Variants in DRC11 observed in about 807,000 individuals in gnomAD.
DRC11 encodes the protein IQ and AAA domain-containing protein 1.
the DRC11 span, among the ~76,000 whole-genome samples, chr2:236,459,332 T>C: frequency 6.6e-6 from 1 of 151,782 alleles, no homozygotes; most frequent in African/African-American, 2.4e-5. Context: ...AAGATCATAA[T>C]CAATTAATTA....
At chr2:236,329,998 C>T in the DRC11 span, among the ~76,000 whole-genome samples, 1 of 152,164 alleles carries the variant, frequency 6.6e-6, no homozygotes, top group Admixed American at 6.5e-5. Context: ...TAGGCTTCCA[C>T]ACCTTATCAT....
At chr2:236,322,657 G>A in the DRC11 span, among the ~76,000 whole-genome samples, 2 of 152,184 alleles carry the variant, frequency 1.3e-5, no homozygotes, top group African/African-American at 4.8e-5. Flanking sequence ...TGGCAATCAC[G>A]TCTCCATGTT....
chr2:236,503,844 G>A, the DRC11 span: 3 of 708,192 alleles, frequency 4.2e-6, no homozygotes, highest in Non-Finnish European at 7.4e-6. The surrounding 1 kb of genome is among the most constrained non-coding windows in gnomAD (Gnocchi z 4.9). Context: ...CTGGCCTTGC[G>A]CCCCACCTCC....
the DRC11 span, among the ~76,000 whole-genome samples, chr2:236,322,258 A>G: frequency 0.55 from 73,600 of 133,216 alleles, 23,250 homozygotes; most frequent in African/African-American, 0.89. Context: ...TTTTTGAGAC[A>G]GAGTCTCGCT....
the DRC11 span, chr2:236,465,813 A>C: frequency 1.4e-6 from 1 of 721,616 alleles, no homozygotes; most frequent in African/African-American, 1.8e-5. This position sits in a 1 kb window ranked among gnomAD's most constrained non-coding sequence, Gnocchi z 6.2. Context: ...CATAGTGTCT[A>C]GCAAAGGCAA....
At chr2:236,399,775 A>G in the DRC11 span, among the ~76,000 whole-genome samples, 1 of 152,104 alleles carries the variant, frequency 6.6e-6, no homozygotes, top group African/African-American at 2.4e-5. This position sits in a 1 kb window ranked among gnomAD's most constrained non-coding sequence, Gnocchi z 7.0. Flanking sequence ...TTTTGATTAA[A>G]AAACTTTCTT....
At chr2:236,366,285 C>T in the DRC11 span, among the ~76,000 whole-genome samples, 1 of 152,160 alleles carries the variant, frequency 6.6e-6, no homozygotes, top group African/African-American at 2.4e-5. Context: ...AGTATGTAAG[C>T]GGCCAGGAGA....
At chr2:236,408,253 T>C in the DRC11 span, 1 of 850,028 alleles carries the variant, frequency 1.2e-6, no homozygotes, top group East Asian at 2.4e-5. This position sits in a 1 kb window ranked among gnomAD's most constrained non-coding sequence, Gnocchi z 5.5. Context: ...GCGGTGATGG[T>C]AGCCTTTCTG....
the DRC11 span, among the ~76,000 whole-genome samples, chr2:236,490,485 C>T: frequency 5.9e-5 from 9 of 152,298 alleles, no homozygotes; most frequent in South Asian, 4.1e-4. The surrounding 1 kb of genome is among the most constrained non-coding windows in gnomAD (Gnocchi z 5.5). Flanking sequence ...AGTGAGCACA[C>T]ATTTTCAATA....
At chr2:236,383,421 A>G in the DRC11 span, among the ~76,000 whole-genome samples, 18 of 151,176 alleles carry the variant, frequency 1.2e-4, no homozygotes, top group Non-Finnish European at 2.1e-4. Context: ...CCTATTGTCT[A>G]TCTATTCTCT....
At chr2:236,431,401 G>A in the DRC11 span, among the ~76,000 whole-genome samples, 2 of 152,168 alleles carry the variant, frequency 1.3e-5, no homozygotes, top group Admixed American at 6.5e-5. This position sits in a 1 kb window ranked among gnomAD's most constrained non-coding sequence, Gnocchi z 4.2. Context: ...GCCGAGCAAA[G>A]GAGGAAAAGC....
At chr2:236,453,426 T>C in the DRC11 span, among the ~76,000 whole-genome samples, 9 of 152,174 alleles carry the variant, frequency 5.9e-5, no homozygotes, top group African/African-American at 2.2e-4. This position sits in a 1 kb window ranked among gnomAD's most constrained non-coding sequence, Gnocchi z 4.9. Context: ...AACACATACA[T>C]GTTGACATAC....
chr2:236,318,981 G>A, the DRC11 span, among the ~76,000 whole-genome samples: 2 of 152,276 alleles, frequency 1.3e-5, no homozygotes, highest in Non-Finnish European at 2.9e-5. This position sits in a 1 kb window ranked among gnomAD's most constrained non-coding sequence, Gnocchi z 7.0. Flanking sequence ...CAGACGTGCA[G>A]GGCACCCCCA....
At chr2:236,349,343 T>A in the DRC11 span, among the ~76,000 whole-genome samples, 1 of 152,204 alleles carries the variant, frequency 6.6e-6, no homozygotes, top group Non-Finnish European at 1.5e-5. This position sits in a 1 kb window ranked among gnomAD's most constrained non-coding sequence, Gnocchi z 5.5. Context: ...AATGAGACGT[T>A]GTATGTAAAA....
At chr2:236,387,120 T>C in the DRC11 span, among the ~76,000 whole-genome samples, 2 of 151,964 alleles carry the variant, frequency 1.3e-5, no homozygotes, top group Non-Finnish European at 2.9e-5. Flanking sequence ...GGTGTGGTGA[T>C]GAAAAAAATG....
chr2:236,441,170 C>A, the DRC11 span: 1 of 1,206,372 alleles, frequency 8.3e-7, no homozygotes, highest in Admixed American at 2.0e-5. Flanking sequence ...GAAGTCCTCT[C>A]TTGTTATATA....
chr2:236,488,202 C>A, the DRC11 span: 2 of 1,557,514 alleles, frequency 1.3e-6, no homozygotes, highest in Non-Finnish European at 1.7e-6. Flanking sequence ...CTGCAAAAAA[C>A]AGTCAAGATA....
chr2:236,463,511 A>G, the DRC11 span, among the ~76,000 whole-genome samples: 6 of 152,346 alleles, frequency 3.9e-5, no homozygotes, highest in African/African-American at 1.4e-4. The surrounding 1 kb of genome is among the most constrained non-coding windows in gnomAD (Gnocchi z 5.0). Context: ...CACTTTTAAA[A>G]TTGTATTGTA....
At chr2:236,471,888 T>C in the DRC11 span, among the ~76,000 whole-genome samples, 2 of 152,160 alleles carry the variant, frequency 1.3e-5, no homozygotes, top group Non-Finnish European at 2.9e-5. This position sits in a 1 kb window ranked among gnomAD's most constrained non-coding sequence, Gnocchi z 4.6. Context: ...TAAACACAGA[T>C]GTCCTGCCCT....
Sources: gnomAD v4.1 joint callset for allele counts (sites outside exome capture counted in the v4.1 genomes callset) on GRCh38, gnomAD v4.1.1 for gene constraint, Gnocchi (gnomAD v3.1) non-coding constraint, MANE v1.5 for transcripts, NCBI Gene and HGNC (gene_info 2026-07-23, HGNC 2026-07-21) for gene names.